The following PALM2AKAP2 variants were observed in gnomAD, a reference collection of about 807,000 sequenced individuals.
PALM2AKAP2 encodes the protein PALM2 and AKAP2 fusion.
In PALM2AKAP2, 37 loss-of-function variants were observed where a neutral mutation model predicts 71.5. The ratio of observed to expected loss-of-function variants is 0.52; its 90% CI spans 0.40 to 0.68. PALM2AKAP2 has a LOEUF of 0.68. PALM2AKAP2 is among the 30% of genes least tolerant of loss of function. The probability of loss-of-function intolerance (pLI) is 0.00; values close to 1 mark genes in which losing one functional copy is unlikely to be tolerated. For missense variants in PALM2AKAP2, 1,224 were observed against 1,191.8 expected, an observed-to-expected ratio of 1.03 and a Z score of -0.40; for synonymous variants, 468 against 478.8, an observed-to-expected ratio of 0.98 and a Z score of 0.29.
upstream of PALM2AKAP2, among the ~76,000 whole-genome samples, chr9:110,044,491 A>T (rs771935963): frequency 6.7e-6 from 1 of 149,960 alleles, no homozygotes; most frequent in Non-Finnish European, 1.5e-5. Flanking sequence ...AGCTGGGATT[A>T]CAGGCACCTG....
At position 109,963,667 on chromosome 9, in the gene PALM2AKAP2, C is replaced by T. The variant is rs556488345; in HGVS notation, c.496+31639C>T. The stretch of plus-strand genomic sequence containing the variant: ...TCTAAGGGGTGAGGAGTCTTTGGGC[C>T]AAGGTGACTTGCCTGCTCCCTACCC... On this transcript the variant is annotated intron_variant, in intron 6 of 9. Transcript: ENST00000302798. Among the ~76,000 whole-genome samples, 7 of 152,310 alleles carry T rather than the reference C, an allele frequency of 4.6e-5. 1 individual carries two copies. The South Asian group carries it at 1.0e-3, about 23-fold the overall frequency.
At chr9:110,040,779 A>C (rs1239414051) in intron 7 of PALM2AKAP2, among the ~76,000 whole-genome samples, 2 of 152,230 alleles carry the variant, frequency 1.3e-5, no homozygotes, top group Non-Finnish European at 2.9e-5. Flanking sequence ...CCCTAATGAG[A>C]AGAAATTCGC....
chr9:109,803,307 T>C (rs997001920), intron 1 of PALM2AKAP2, among the ~76,000 whole-genome samples: 2 of 152,200 alleles, frequency 1.3e-5, no homozygotes, highest in Admixed American at 1.3e-4. Flanking sequence ...ATAGTGCTCA[T>C]AGGGGATAGC....
At chr9:110,083,333 C>T (rs1473360142) in intron 1 of PALM2AKAP2, among the ~76,000 whole-genome samples, 1 of 151,878 alleles carries the variant, frequency 6.6e-6, no homozygotes, top group Non-Finnish European at 1.5e-5. Context: ...TTTAAAAAGG[C>T]ATAAGTCTAT....
intron 2 of PALM2AKAP2, among the ~76,000 whole-genome samples, chr9:110,141,439 C>A (rs1438272229): frequency 3.3e-5 from 5 of 152,156 alleles, no homozygotes; most frequent in Non-Finnish European, 5.9e-5. Context: ...AAGCAGGCAC[C>A]CGGGCTTCCC....
intron 1 of PALM2AKAP2, among the ~76,000 whole-genome samples, chr9:109,641,277 C>T (rs1827065198): frequency 6.6e-6 from 1 of 152,176 alleles, no homozygotes. Flanking sequence ...CACTGCGGAT[C>T]GGAAGCAAAC....
intron 1 of PALM2AKAP2, among the ~76,000 whole-genome samples, chr9:109,729,636 G>A (rs979077098): frequency 6.6e-6 from 1 of 152,184 alleles, no homozygotes; most frequent in African/African-American, 2.4e-5. Flanking sequence ...TGTCAGTGCG[G>A]TATGACAGAC....
At chr9:109,940,217 A>G (rs575867460) in intron 6 of PALM2AKAP2, among the ~76,000 whole-genome samples, 4 of 152,276 alleles carry the variant, frequency 2.6e-5, no homozygotes, top group African/African-American at 9.6e-5. Flanking sequence ...CAAGAAACTA[A>G]CCCTCAAAAG....
At chr9:110,135,160 A>ATATATATATATATATATATATATAT (rs1835819896) in intron 1 of PALM2AKAP2, among the ~76,000 whole-genome samples, 4 of 50,548 alleles carry the variant, frequency 7.9e-5, no homozygotes, top group African/African-American at 3.1e-4. Flanking sequence ...TACAAAAAAA[A>ATATATATATATATATATATATATAT]AAAAATATAT....
At chr9:110,163,461 C>T (rs1836654435) in intron 3 of PALM2AKAP2, among the ~76,000 whole-genome samples, 1 of 152,134 alleles carries the variant, frequency 6.6e-6, no homozygotes, top group East Asian at 1.9e-4. Flanking sequence ...ACAATTTAAG[C>T]CCTCTCGTAC....
chr9:109,804,607 G>A (rs1827524963), intron 1 of PALM2AKAP2, among the ~76,000 whole-genome samples: 4 of 152,074 alleles, frequency 2.6e-5, no homozygotes, highest in Admixed American at 2.0e-4. Context: ...CTTCTATTAC[G>A]TACACATTTT....
intron 1 of PALM2AKAP2, among the ~76,000 whole-genome samples, chr9:109,653,865 T>C (rs1028295366): frequency 1.3e-5 from 2 of 152,304 alleles, no homozygotes; most frequent in Admixed American, 6.5e-5. Context: ...TGATGATGAA[T>C]TGGAGTTCAA....
intron 1 of PALM2AKAP2, among the ~76,000 whole-genome samples, chr9:109,675,065 G>C (rs1212747793): frequency 6.6e-6 from 1 of 152,050 alleles, no homozygotes; most frequent in Non-Finnish European, 1.5e-5. Flanking sequence ...GCTAATGTAA[G>C]TATTCTGAGC....
intron 6 of PALM2AKAP2, among the ~76,000 whole-genome samples, chr9:109,972,580 G>T (rs1832088832): frequency 6.6e-6 from 1 of 152,128 alleles, no homozygotes; most frequent in Admixed American, 6.5e-5. Context: ...ATGCTTTGAT[G>T]CCTGTTTCCC....
chr9:109,685,674 A>AT (rs895688719), intron 1 of PALM2AKAP2, among the ~76,000 whole-genome samples: 26 of 148,666 alleles, frequency 1.7e-4, no homozygotes, highest in East Asian at 3.9e-4. Flanking sequence ...AGTGAATTAT[A>AT]TTTTTTTTTT....
At chr9:109,704,122 T>A (rs944186872) in intron 1 of PALM2AKAP2, among the ~76,000 whole-genome samples, 1 of 152,090 alleles carries the variant, frequency 6.6e-6, no homozygotes, top group Non-Finnish European at 1.5e-5. Flanking sequence ...GAGCTTGAGA[T>A]GGAGTATAGA....
chr9:110,133,693 T>C (rs1835784227), intron 1 of PALM2AKAP2, among the ~76,000 whole-genome samples: 2 of 151,108 alleles, frequency 1.3e-5, no homozygotes, highest in Non-Finnish European at 1.5e-5. Flanking sequence ...CCAAAAAGGA[T>C]AGAAGGAGAG....
At chr9:109,936,626 T>A (rs970431511) in intron 6 of PALM2AKAP2, among the ~76,000 whole-genome samples, 3 of 152,202 alleles carry the variant, frequency 2.0e-5, no homozygotes, top group Non-Finnish European at 4.4e-5. Flanking sequence ...TGACCCCCCA[T>A]GGATGACACT....
At chr9:110,122,323 G>A (rs986518955) in intron 1 of PALM2AKAP2, among the ~76,000 whole-genome samples, 1 of 152,200 alleles carries the variant, frequency 6.6e-6, no homozygotes, top group African/African-American at 2.4e-5. Context: ...TGAGCCACTG[G>A]TCCTGGCCTT....
Sources: allele counts gnomAD v4.1 joint callset (sites outside exome capture counted in the v4.1 genomes callset), GRCh38; gene constraint gnomAD v4.1.1; transcripts MANE v1.5; gene names NCBI Gene and HGNC (gene_info 2026-07-23, HGNC 2026-07-21).